The following RAB4A variants were observed in gnomAD, a reference collection of about 807,000 sequenced individuals.
The protein encoded by RAB4A is RAB4A, member RAS oncogene family, also known as ras-related protein Rab-4A.
RAB4A carries 20 observed loss-of-function variants against 34.5 expected under a neutral mutation model. The ratio of observed to expected loss-of-function variants is 0.58; its 90% CI spans 0.41 to 0.84. The LOEUF (loss-of-function observed/expected upper bound fraction) is 0.84. Ranked by LOEUF, RAB4A falls within the 40% of genes least tolerant of loss-of-function variation. The pLI is 0.00. For missense variants in RAB4A, 228 were observed against 274.5 expected, an observed-to-expected ratio of 0.83 and a Z score of 1.20; for synonymous variants, 102 against 100.0, an observed-to-expected ratio of 1.02 and a Z score of -0.12.
chr1:229,293,498 G>A (rs1004069852), intron 3 of RAB4A, among the ~76,000 whole-genome samples: 88 of 152,222 alleles, frequency 5.8e-4, no homozygotes, highest in African/African-American at 2.0e-3. Context: ...AGGGGTTTGG[G>A]CCTCTGTGCC....
At chr1:229,286,464 A>C in intron 1 of RAB4A, 22 bp from the exon 2 acceptor site, 1 of 1,435,478 alleles carries the variant, frequency 7.0e-7, no homozygotes, top group Non-Finnish European at 9.6e-7. Flanking sequence ...AGTTATTTTC[A>C]CAGTCTCTTT....
intron 4 of RAB4A, 98 bp from the exon 5 acceptor site, chr1:229,297,384 T>C: frequency 7.8e-7 from 1 of 1,273,890 alleles, no homozygotes; most frequent in Non-Finnish European, 1.1e-6. Flanking sequence ...GCCATTACCC[T>C]GAAATGTTGA....
intron 1 of RAB4A, among the ~76,000 whole-genome samples, chr1:229,276,354 A>G (rs1656649655): frequency 6.6e-6 from 1 of 151,406 alleles, no homozygotes; most frequent in Admixed American, 6.6e-5. Flanking sequence ...CTTTGAAAGC[A>G]TGGTTTTTTG....
chr1:229,289,096 T>A (rs1001744049), intron 3 of RAB4A: 2 of 412,280 alleles, frequency 4.9e-6, no homozygotes, highest in African/African-American at 2.1e-5. Flanking sequence ...TGACCCATTC[T>A]CAGGAGGATG....
At chr1:229,293,530 A>AAT (rs1657149939) in intron 3 of RAB4A, among the ~76,000 whole-genome samples, 1 of 152,186 alleles carries the variant, frequency 6.6e-6, no homozygotes, top group South Asian at 2.1e-4. Flanking sequence ...ACGAAGACCA[A>AAT]ATATATATTT....
At chr1:229,289,659 T>TA (rs1657013876) in intron 3 of RAB4A, among the ~76,000 whole-genome samples, 1 of 151,846 alleles carries the variant, frequency 6.6e-6, no homozygotes, top group African/African-American at 2.4e-5. Context: ...CTACTAAAAA[T>TA]AAAAAAATTA....
intron 6 of RAB4A, among the ~76,000 whole-genome samples, chr1:229,300,585 G>A (rs1009848421): frequency 2.0e-5 from 3 of 152,198 alleles, no homozygotes; most frequent in African/African-American, 7.2e-5. Flanking sequence ...AGGATGACTC[G>A]CAGCTGTCAC....
chr1:229,285,302 G>C (rs543735264), intron 1 of RAB4A, among the ~76,000 whole-genome samples: 1 of 152,060 alleles, frequency 6.6e-6, no homozygotes, highest in Non-Finnish European at 1.5e-5. Context: ...GAGCCAACGC[G>C]CTCAGCCTGG....
intron 1 of RAB4A, among the ~76,000 whole-genome samples, chr1:229,273,627 T>C (rs1038696466): frequency 6.6e-6 from 1 of 152,130 alleles, no homozygotes; most frequent in Admixed American, 6.6e-5. Flanking sequence ...TAGTCCCGGC[T>C]ACTTGGGAGG....
chr1:229,288,339 A>G (rs1407466216), intron 2 of RAB4A, among the ~76,000 whole-genome samples: 1 of 152,080 alleles, frequency 6.6e-6, no homozygotes, highest in Non-Finnish European at 1.5e-5. Context: ...TCTCCACCTC[A>G]TTACTTACTG....
At chr1:229,290,946 A>C (rs984865737) in intron 3 of RAB4A, among the ~76,000 whole-genome samples, 2 of 152,150 alleles carry the variant, frequency 1.3e-5, no homozygotes, top group Non-Finnish European at 2.9e-5. Flanking sequence ...GGCCCACCTA[A>C]AATCAAACAT....
intron 3 of RAB4A, 187 bp downstream of exon 3, chr1:229,289,030 T>C (rs1656995411): frequency 7.2e-6 from 4 of 557,104 alleles, no homozygotes; most frequent in Admixed American, 7.0e-5. Context: ...CTCTGCAGCA[T>C]GGATTACTAA....
intron 1 of RAB4A, among the ~76,000 whole-genome samples, chr1:229,271,742 C>T (rs1656489478): frequency 6.6e-6 from 1 of 152,214 alleles, no homozygotes; most frequent in Non-Finnish European, 1.5e-5. Context: ...ATATTATCCC[C>T]AGCGAGCCTG....
chr1:229,296,829 A>C (rs1444483210), intron 4 of RAB4A, among the ~76,000 whole-genome samples: 3 of 152,208 alleles, frequency 2.0e-5, no homozygotes, highest in Non-Finnish European at 4.4e-5. Flanking sequence ...AGCCTGCTAA[A>C]GTGTGAAGTC....
intron 6 of RAB4A, among the ~76,000 whole-genome samples, chr1:229,302,274 TATATATATATATATATATATATATATA>T (rs1657406975): frequency 9.5e-4 from 14 of 14,702 alleles, no homozygotes; most frequent in African/African-American, 3.7e-3. Flanking sequence ...TATATATATA[TATATATATATATATATATATATATATA>T]TATATATATT....
At chr1:229,294,694 G>A (rs1657189809) in intron 3 of RAB4A, among the ~76,000 whole-genome samples, 1 of 152,190 alleles carries the variant, frequency 6.6e-6, no homozygotes, top group African/African-American at 2.4e-5. Flanking sequence ...ACAAAAATTA[G>A]CCAGGCGTGG....
chr1:229,288,950 C>T, intron 3 of RAB4A, 107 bp downstream of exon 3: 1 of 703,746 alleles, frequency 1.4e-6, no homozygotes, highest in Admixed American at 3.1e-5. Flanking sequence ...ACACCCCTTC[C>T]TTGTCCTAAT....
At chr1:229,301,482 A>C (rs1261230718) in intron 6 of RAB4A, among the ~76,000 whole-genome samples, 2 of 152,212 alleles carry the variant, frequency 1.3e-5, no homozygotes, top group African/African-American at 4.8e-5. Flanking sequence ...ACACTGTTAC[A>C]TAAATCCTTA....
Position 229,304,157 on chromosome 1 carries a change from T to G in RAB4A, c.*364T>G, listed in dbSNP as rs1261342744. 6.6e-6 allele frequency: 1 copy of G among 152,110 alleles called. No homozygotes were observed. Among genetic ancestry groups the G allele is most frequent in the African/African-American group, 2.4e-5 (1 of 41,410 alleles). The allele number at this position is 152,110 out of a possible 1,614,324, so 9.4% of individuals were successfully genotyped here. ...CACTAAATGCAGTTTCAGATTTTAT[T>G]TTTTTTAATCATATGAACTAAAATT... is the stretch of plus-strand genomic sequence containing the variant. On this transcript the variant is annotated 3_prime_UTR_variant, in exon 8 of 8. Coordinates refer to ENST00000366690, the MANE Select transcript of RAB4A (RefSeq NM_004578.4).
Sources: allele counts gnomAD v4.1 joint callset (sites outside exome capture counted in the v4.1 genomes callset), GRCh38; gene constraint gnomAD v4.1.1; transcripts MANE v1.5; gene names NCBI Gene and HGNC (gene_info 2026-07-23, HGNC 2026-07-21).